The following HMCN2 variants were observed in gnomAD, a reference collection of about 807,000 sequenced individuals.
HMCN2 encodes hemicentin 2, also known as hemicentin-2.
HMCN2 carries 325 observed loss-of-function variants against 377.5 expected under a neutral mutation model. That is an observed-to-expected ratio of 0.86 (90% CI 0.79 to 0.94). The LOEUF is 0.94. HMCN2 is among the 40% of genes least tolerant of loss of function. The pLI, the probability that HMCN2 is intolerant of heterozygous loss-of-function variation, is 0.00. For missense variants in HMCN2, 4,543 were observed against 4,725.3 expected, an observed-to-expected ratio of 0.96 and a Z score of 1.13; for synonymous variants, 2,007 against 2,046.8, an observed-to-expected ratio of 0.98 and a Z score of 0.53.
At position 130,355,865 on chromosome 9, in the gene HMCN2, G is replaced by T. The variant is rs905681939; in HGVS notation, c.5255+11G>T. On this transcript the variant is annotated intron_variant, in intron 33 of 97. Coordinates refer to ENST00000683500, the MANE Select transcript of HMCN2 (RefSeq NM_001291815.2). ...AGTACCCACTATCCAGTGAGTCTGGGGTGGTGGAGGCCAGGGCTGGGGGTA... is the reference window on the plus strand; with the variant it reads ...AGTACCCACTATCCAGTGAGTCTGGTGTGGTGGAGGCCAGGGCTGGGGGTA... 7 of 1,282,610 alleles carry T rather than the reference G, an allele frequency of 5.5e-6. No individual in the cohort carries two copies. The highest frequency in any genetic ancestry group is 7.2e-6 in the Non-Finnish European group (7 of 969,892). The allele number at this position is 1,282,610 out of a possible 1,614,324, so 79.5% of individuals were successfully genotyped here.
At chr9:130,331,942 AC>A (rs1838454142) in intron 22 of HMCN2, among the ~76,000 whole-genome samples, 4 of 151,070 alleles carry the variant, frequency 2.6e-5, no homozygotes, top group African/African-American at 9.8e-5. Context: ...TACCCCCACC[AC>A]CCTCCTCTGC....
Position 130,396,180 on chromosome 9 carries a change from A to C in HMCN2, c.11065A>C (p.Ile3689Leu), listed in dbSNP as rs1588390444. 5 of 1,262,026 alleles carry C rather than the reference A, an allele frequency of 4.0e-6. No individual in the cohort carries two copies. The highest frequency in any genetic ancestry group is 5.1e-6 in the Non-Finnish European group (5 of 972,856). The allele number at this position is 1,262,026 out of a possible 1,614,324, so 78.2% of individuals were successfully genotyped here. ...GTGCCCCTCCCCAGCGGTGCCCACCATCCGGTCAGGACCACCTGCAGTGAA... is the reference window on the plus strand; with the variant it reads ...GTGCCCCTCCCCAGCGGTGCCCACCCTCCGGTCAGGACCACCTGCAGTGAA... ...FRVEIHTVPTIRSGPPAVNVS... is the reference protein window; with the variant it reads ...FRVEIHTVPTLRSGPPAVNVS... Residue 3689 changes from isoleucine (I) to leucine (L), a missense_variant, in exon 73 of 98, where the codon ATC becomes CTC. Transcript: ENST00000683500.
chr9:130,377,228 C>G (rs1057096749), intron 52 of HMCN2, among the ~76,000 whole-genome samples: 5 of 152,150 alleles, frequency 3.3e-5, no homozygotes, highest in African/African-American at 1.2e-4. Flanking sequence ...ATTCTCCTGC[C>G]TCAGCCTCCT....
intron 25 of HMCN2, among the ~76,000 whole-genome samples, chr9:130,343,184 C>G (rs1032025144): frequency 3.8e-4 from 58 of 152,336 alleles, no homozygotes; most frequent in African/African-American, 1.4e-3. Flanking sequence ...AAGATCCCTC[C>G]TCAGCCCCCG....
intron 1 of HMCN2, among the ~76,000 whole-genome samples, chr9:130,278,399 C>T (rs1336166011): frequency 6.6e-6 from 1 of 152,114 alleles, no homozygotes; most frequent in Non-Finnish European, 1.5e-5. Flanking sequence ...GCTGGGATTA[C>T]AGGCGTGAGC....
intron 95 of HMCN2, chr9:130,431,122 G>T: frequency 1.7e-6 from 1 of 574,774 alleles, no homozygotes; most frequent in African/African-American, 1.9e-5. Context: ...GGGGTCTGCG[G>T]GGTGGTGCTG....
chr9:130,284,747 C>T (rs1028451243), intron 2 of HMCN2, 74 bp downstream of exon 2: 1 of 464,890 alleles, frequency 2.2e-6, no homozygotes, highest in Non-Finnish European at 4.5e-6. Context: ...GAGGTAGCTT[C>T]GAGTGATTCC....
At chr9:130,403,431 G>T (rs1198710868) in intron 79 of HMCN2, 103 bp downstream of exon 79, 1 of 1,206,912 alleles carries the variant, frequency 8.3e-7, no homozygotes. Flanking sequence ...CAGACCTGCT[G>T]AGAGGTCCTG....
intron 66 of HMCN2, among the ~76,000 whole-genome samples, chr9:130,392,800 T>G (rs566594345): frequency 2.6e-5 from 4 of 152,052 alleles, no homozygotes; most frequent in Non-Finnish European, 5.9e-5. Context: ...ATCAAGACCA[T>G]CCTGGCTAAC....
At chr9:130,298,917 G>C in intron 7 of HMCN2, 108 bp from the exon 8 acceptor site, 1 of 376,202 alleles carries the variant, frequency 2.7e-6, no homozygotes, top group South Asian at 2.0e-5. Flanking sequence ...AGGTAGGAAG[G>C]GCCAGGCAAG....
Position 130,398,698 on chromosome 9 carries a change from G to A in HMCN2, c.11474G>A (p.Gly3825Asp). 7.8e-7 allele frequency: 1 copy of A among 1,289,392 alleles called. No homozygotes were observed. Among genetic ancestry groups the A allele is most frequent in the Non-Finnish European group, 1.0e-6 (1 of 988,544 alleles). 79.9% of individuals were successfully genotyped at this position (1,289,392 alleles called of 1,614,324 possible). A position where few individuals can be genotyped will look rare whatever the true frequency, so the allele number is the denominator to read the frequency against. ...GQKLDFRLQQ[G>D]AYRLLPSNAL... ...AAGCTGGACTTCCGCCTGCAGCAGGGCGCCTACCGGTAACGAGCTGGACTT... is the reference window on the plus strand; with the variant it reads ...AAGCTGGACTTCCGCCTGCAGCAGGACGCCTACCGGTAACGAGCTGGACTT... Residue 3825 changes from glycine (G) to aspartate (D), a missense_variant, in exon 75 of 98, where the codon GGC becomes GAC. This residue lies in a region of HMCN2 where 1,073 missense variants were observed against 1,319.5 expected (regional missense o/e 0.81). Coordinates refer to ENST00000683500, the MANE Select transcript of HMCN2 (RefSeq NM_001291815.2).
At chr9:130,398,856 CAGAG>C (rs1171450737) in intron 75 of HMCN2, 149 bp downstream of exon 75, 1 of 625,482 alleles carries the variant, frequency 1.6e-6, no homozygotes, top group African/African-American at 1.9e-5. Flanking sequence ...CTTTGGGGAT[CAGAG>C]AGTCTTCACA....
intron 43 of HMCN2, among the ~76,000 whole-genome samples, chr9:130,367,934 T>C (rs1588323366): frequency 8.8e-6 from 1 of 113,642 alleles, no homozygotes; most frequent in Non-Finnish European, 1.8e-5. Context: ...AGAGAGAGAC[T>C]CTGTCTCAAA....
chr9:130,273,123 T>G (rs1384334189), intron 1 of HMCN2, among the ~76,000 whole-genome samples: 1 of 151,246 alleles, frequency 6.6e-6, no homozygotes, highest in Admixed American at 6.6e-5. Context: ...AAGATTCAGG[T>G]TTTTTTTCTC....
chr9:130,375,098 C>T (rs1218720166), intron 49 of HMCN2, among the ~76,000 whole-genome samples: 1 of 152,206 alleles, frequency 6.6e-6, no homozygotes, highest in African/African-American at 2.4e-5. Context: ...GAGAGGGGCA[C>T]AGACCAGCTT....
chr9:130,276,560 G>C (rs1834706483), intron 1 of HMCN2, among the ~76,000 whole-genome samples: 1 of 152,228 alleles, frequency 6.6e-6, no homozygotes, highest in African/African-American at 2.4e-5. Flanking sequence ...TGTTCAGGGA[G>C]AGGCCCTGGG....
intron 1 of HMCN2, among the ~76,000 whole-genome samples, chr9:130,280,003 G>A (rs1026538840): frequency 2.0e-5 from 3 of 152,174 alleles, no homozygotes; most frequent in Non-Finnish European, 4.4e-5. Context: ...CTGCTGCTTT[G>A]AAGATGGAGG....
intron 43 of HMCN2, among the ~76,000 whole-genome samples, chr9:130,367,521 T>C (rs919332040): frequency 9.2e-5 from 14 of 152,280 alleles, no homozygotes; most frequent in African/African-American, 3.1e-4. Context: ...CCAAGGGGTC[T>C]TCTTGATGCC....
chr9:130,280,292 A>T (rs781680316), intron 1 of HMCN2, among the ~76,000 whole-genome samples: 3 of 150,362 alleles, frequency 2.0e-5, no homozygotes, highest in Non-Finnish European at 4.4e-5. Flanking sequence ...CCTCCCGAGT[A>T]GCTGGGACTA....
Sources: allele counts gnomAD v4.1 joint callset (sites outside exome capture counted in the v4.1 genomes callset), GRCh38; gene constraint gnomAD v4.1.1; regional missense constraint gnomAD v4.1.1; transcripts MANE v1.5; gene names NCBI Gene and HGNC (gene_info 2026-07-23, HGNC 2026-07-21).